RYR1: variants seen among roughly 807,000 people sequenced by gnomAD.
RYR1 encodes central core disease of muscle.
Under a neutral mutation model 583.5 loss-of-function variants are expected in RYR1, and 342 were observed. The observed-to-expected ratio is 0.59, with a 90% CI of 0.54 to 0.64. The LOEUF (loss-of-function observed/expected upper bound fraction) is 0.64. RYR1 is among the 30% of genes least tolerant of loss of function. The probability of loss-of-function intolerance (pLI) is 0.00; values close to 1 mark genes in which losing one functional copy is unlikely to be tolerated. For missense variants in RYR1, 6,032 were observed against 6,917.2 expected (o/e 0.87, Z 4.54); for synonymous variants, 2,791 against 2,822.5 (o/e 0.99, Z 0.35).
At chr19:38,586,274 TAGGAA>T in intron 104 of RYR1, 83 bp downstream of exon 104, 1 of 1,328,986 alleles carries the variant, frequency 7.5e-7, no homozygotes. Flanking sequence ...TTTGGCCAGT[TAGGAA>T]AGGGGGTGTA....
At chr19:38,513,696 A>G (rs1970824814) in intron 63 of RYR1, among the ~76,000 whole-genome samples, 1 of 151,780 alleles carries the variant, frequency 6.6e-6, no homozygotes, top group East Asian at 1.9e-4. Flanking sequence ...AGATTGCACC[A>G]CTGCACTCCA....
At chr19:38,523,951 T>C (rs1371928664) in intron 70 of RYR1, 22 bp downstream of exon 70, 1 of 1,613,614 alleles carries the variant, frequency 6.2e-7, no homozygotes, top group Admixed American at 1.7e-5. Flanking sequence ...ATCTGGGACC[T>C]TCCGCATGTC....
intron 42 of RYR1, among the ~76,000 whole-genome samples, chr19:38,498,761 C>T (rs1307593777): frequency 6.6e-6 from 1 of 152,168 alleles, no homozygotes; most frequent in African/African-American, 2.4e-5. Context: ...CCAGAGGTCA[C>T]TCTCGTTGCC....
Position 38,502,701 on chromosome 19 carries a change from C to G in RYR1, c.7809C>G (p.Ile2603Met). Residue 2603 changes from isoleucine (I) to methionine (M), a missense_variant, in exon 48 of 106, where the codon ATC becomes ATG. Coordinates refer to ENST00000359596, the MANE Select transcript of RYR1 (RefSeq NM_000540.3). Reference protein sequence around the residue: ...RSLTKAQRDVIEDCLMSLCRY... With the variant: ...RSLTKAQRDVMEDCLMSLCRY... The stretch of plus-strand genomic sequence containing the variant: ...TCACCAAGGCGCAGCGTGACGTCAT[C>G]GAGGACTGCCTCATGTCGCTCTGCA... The G allele has an allele frequency of 1.9e-6, 3 of 1,561,120 alleles. No homozygotes were observed. Among genetic ancestry groups the G allele is most frequent in the South Asian group, 1.1e-5 (1 of 90,536 alleles).
At chr19:38,522,825 C>T (rs1278800629) in intron 67 of RYR1, among the ~76,000 whole-genome samples, 1 of 151,892 alleles carries the variant, frequency 6.6e-6, no homozygotes, top group Non-Finnish European at 1.5e-5. Flanking sequence ...TGTCGGGCCC[C>T]TGTAGTCCCA....
intron 63 of RYR1, among the ~76,000 whole-genome samples, chr19:38,513,354 A>G (rs1174675361): frequency 6.6e-6 from 1 of 151,886 alleles, no homozygotes; most frequent in African/African-American, 2.4e-5. Context: ...AAAGAAAAGT[A>G]GCAGTTGGTG....
rs577185313 is a variant in RYR1 at position 38,443,079 on chromosome 19, T to C, written c.271-479T>C. ...AAGGTCCGGGTTGGGGACCTTGTGC[T>C]GGGGAGGGGCGGCTGTCTTAGACTG... On this transcript the variant is annotated intron_variant, in intron 3 of 105. Transcript: ENST00000359596. Among the ~76,000 whole-genome samples, 12 of 152,250 alleles carry C rather than the reference T, an allele frequency of 7.9e-5. No individual in the cohort carries two copies. In the East Asian group the frequency reaches 9.7e-4, roughly 12 times the overall value.
intron 11 of RYR1, among the ~76,000 whole-genome samples, chr19:38,449,589 C>T (rs10411456): frequency 0.87 from 131,810 of 152,302 alleles, 57,231 homozygotes; most frequent in East Asian, 0.95. Context: ...GTTGTGTGTG[C>T]AGAAAATAGA....
chr19:38,464,211 A>G (rs1967956826), intron 22 of RYR1, among the ~76,000 whole-genome samples: 1 of 130,630 alleles, frequency 7.7e-6, no homozygotes, highest in South Asian at 2.7e-4. Flanking sequence ...TGGGAGGCAG[A>G]GGTTGCAGCG....
At chr19:38,443,459 T>C (rs1972788975) in intron 3 of RYR1, 99 bp from the exon 4 acceptor site, 1 of 1,065,496 alleles carries the variant, frequency 9.4e-7, no homozygotes, top group Non-Finnish European at 1.4e-6. Context: ...CATGGTATTT[T>C]ACAGGGAGCA....
In RYR1 at chr19:38,483,398, C is replaced by T. The variant is rs774316371; in HGVS notation, c.4816C>T (p.Arg1606Cys). Residue 1606 changes from arginine (R) to cysteine (C), a missense_variant, in exon 33 of 106, where the codon CGC becomes TGC. By Grantham distance (180) the Arg-to-Cys change is radical. Transcript: ENST00000359596. This position sits in a 1 kb window ranked among gnomAD's most constrained non-coding sequence, Gnocchi z 6.3. ...GATGCTGATGCCAGTGTCCTGGAGCCGCATGCCCAACCACTTCCTGCAGGT... is the reference window on the plus strand; with the variant it reads ...GATGCTGATGCCAGTGTCCTGGAGCTGCATGCCCAACCACTTCCTGCAGGT... ...MQMLMPVSWSRMPNHFLQVET... is the reference protein window; with the variant it reads ...MQMLMPVSWSCMPNHFLQVET... 22 of 1,570,716 alleles carry T rather than the reference C, an allele frequency of 1.4e-5. 1 individual carries two copies. Among genetic ancestry groups the T allele is most frequent in the South Asian group, 2.3e-5 (2 of 85,590 alleles).
In RYR1 at chr19:38,517,592, G is replaced by A; in HGVS notation, c.9919G>A (p.Val3307Ile). 6.2e-7 allele frequency: 1 copy of A among 1,614,156 alleles called. No homozygotes were observed. Among genetic ancestry groups the A allele is most frequent in the South Asian group, 1.1e-5 (1 of 91,088 alleles). Residue 3307 changes from valine (V) to isoleucine (I), a missense_variant, in exon 66 of 106, where the codon GTC (valine) becomes ATC (isoleucine). Transcript: ENST00000359596. ...PAGAPPPCTA[V>I]TSDHLNSLLG... ...CGGCGCCCCCCCACCCTGCACAGCT[G>A]TCACCTCTGACCACCTCAACTCCCT...
At chr19:38,585,479 T>G (rs1406728631) in intron 102 of RYR1, among the ~76,000 whole-genome samples, 1 of 149,026 alleles carries the variant, frequency 6.7e-6, no homozygotes, top group East Asian at 1.9e-4. Context: ...TATATATGTA[T>G]AATTTTTTTT....
At chr19:38,505,489 G>T in intron 53 of RYR1, 91 bp downstream of exon 53, 1 of 942,436 alleles carries the variant, frequency 1.1e-6, no homozygotes, top group Non-Finnish European at 1.7e-6. Context: ...TCACATGTTT[G>T]CATCTAGGTG....
intron 89 of RYR1, among the ~76,000 whole-genome samples, chr19:38,560,764 A>C (rs1377493912): frequency 6.7e-6 from 1 of 150,098 alleles, no homozygotes; most frequent in Non-Finnish European, 1.5e-5. Flanking sequence ...AAAGAAAAAG[A>C]AAAAAAAGCA....
rs753889936 is a variant in RYR1 at position 38,490,604 on chromosome 19, C to A, written c.6016-17C>A. ...TGGGATCTCAGACCCTCATTCTAAT[C>A]TTTGACCTTCCCCTAGATCAATATG... On this transcript the variant is annotated splice_polypyrimidine_tract_variant and intron_variant, in intron 36 of 105. Transcript: ENST00000359596. 2 of 1,522,144 alleles carry A rather than the reference C, an allele frequency of 1.3e-6. No individual in the cohort carries two copies. The highest frequency in any genetic ancestry group is 1.8e-6 in the Non-Finnish European group (2 of 1,096,178). The allele number at this position is 1,522,144 out of a possible 1,614,324, so 94.3% of individuals were successfully genotyped here. A position where few individuals can be genotyped will look rare whatever the true frequency, so the allele number is the denominator to read the frequency against.
chr19:38,519,162 G>C (rs1971107261), intron 66 of RYR1, 52 bp from the exon 67 acceptor site: 1 of 1,613,410 alleles, frequency 6.2e-7, no homozygotes, highest in Admixed American at 1.7e-5. Context: ...ACGGAGTTTG[G>C]GGCCTGTGTC....
chr19:38,551,025 CTTTTTTTTTTTTTTTTTTTTT>C (rs71165560), intron 89 of RYR1, among the ~76,000 whole-genome samples: 18 of 41,354 alleles, frequency 4.4e-4, no homozygotes, highest in Admixed American at 3.7e-3. Context: ...GGATTCACGG[CTTTTTTTTTTTTTTTTTTTTT>C]TTTTTTTTTT....
intron 29 of RYR1, among the ~76,000 whole-genome samples, chr19:38,475,807 T>G (rs142187209): frequency 0.012 from 1,841 of 152,304 alleles, 20 homozygotes; most frequent in Middle Eastern, 0.041. Context: ...AATATATTAC[T>G]GGGAACAAAA....
Sources: gnomAD v4.1 joint callset for allele counts (sites outside exome capture counted in the v4.1 genomes callset) on GRCh38, gnomAD v4.1.1 for gene constraint, Gnocchi (gnomAD v3.1) non-coding constraint, MANE v1.5 for transcripts, NCBI Gene and HGNC (gene_info 2026-07-23, HGNC 2026-07-21) for gene names.